ZBBX: variants seen among roughly 807,000 people sequenced by gnomAD.
ZBBX encodes zinc finger B-box domain containing.
In ZBBX, 101 loss-of-function variants were observed where a neutral mutation model predicts 108.5. The observed-to-expected ratio is 0.93, with a 90% CI of 0.79 to 1.10. ZBBX has a LOEUF of 1.10. ZBBX is among the 50% of genes least tolerant of loss of function. The probability of loss-of-function intolerance (pLI) is 0.00; values close to 1 mark genes in which losing one functional copy is unlikely to be tolerated. For missense variants in ZBBX, 1,009 were observed against 941.4 expected (o/e 1.07, Z -0.94); for synonymous variants, 356 against 323.4 (o/e 1.10, Z -1.08).
chr3:167,307,468 C>A (rs1157566254), intron 16 of ZBBX, among the ~76,000 whole-genome samples: 2 of 152,056 alleles, frequency 1.3e-5, no homozygotes. Context: ...TTCTTATACA[C>A]CAATGACAGT....
chr3:167,278,440 T>A (rs1355253619), intron 20 of ZBBX, among the ~76,000 whole-genome samples: 1 of 130,576 alleles, frequency 7.7e-6, no homozygotes, highest in African/African-American at 3.0e-5. Flanking sequence ...CCCACAGAAA[T>A]ACAAACTACC....
intron 20 of ZBBX, among the ~76,000 whole-genome samples, chr3:167,273,558 G>C (rs780827152): frequency 5.3e-5 from 8 of 152,082 alleles, no homozygotes; most frequent in Non-Finnish European, 8.8e-5. Context: ...GTGTTCCTTG[G>C]CAGCTTAGCA....
intron 1 of ZBBX, among the ~76,000 whole-genome samples, chr3:167,405,158 G>A (rs1336558231): frequency 2.0e-5 from 3 of 152,152 alleles, no homozygotes; most frequent in Non-Finnish European, 4.4e-5. Flanking sequence ...AAATGTCTGT[G>A]AGACATTGTT....
Position 167,286,300 on chromosome 3 carries a change from A to G in ZBBX, c.1996+2567T>C, listed in dbSNP as rs113666469. 6.2e-3 allele frequency among the ~76,000 whole-genome samples: 949 copies of G among 152,256 alleles called. 7 individuals carry two copies. Among genetic ancestry groups the G allele is most frequent in the African/African-American group, 0.02 (847 of 41,570 alleles). On this transcript the variant is annotated intron_variant, in intron 19 of 21. Transcript: ENST00000675490. ...AGTTAGGAGAGACGGGTAGCCAACC[A>G]AGGTGTTGCTGTGTGATACATGGTA... is the stretch of plus-strand genomic sequence containing the variant.
intron 9 of ZBBX, among the ~76,000 whole-genome samples, chr3:167,335,930 A>G (rs184135876): frequency 6.6e-6 from 1 of 152,126 alleles, no homozygotes; most frequent in East Asian, 1.9e-4. Flanking sequence ...ATTCAAGTCA[A>G]TGGTAATGCT....
intron 20 of ZBBX, among the ~76,000 whole-genome samples, chr3:167,265,864 A>C (rs1475862120): frequency 6.6e-6 from 1 of 152,158 alleles, no homozygotes; most frequent in Non-Finnish European, 1.5e-5. Context: ...CTCTGCTGTG[A>C]CCAGGTAGCA....
At chr3:167,400,749 C>T (rs1006755015) in intron 1 of ZBBX, among the ~76,000 whole-genome samples, 31 of 151,992 alleles carry the variant, frequency 2.0e-4, no homozygotes, top group African/African-American at 7.5e-4. Flanking sequence ...AGACATGAGA[C>T]ATCAGTCAAC....
chr3:167,380,479 C>T (rs370922809), upstream of ZBBX: 1 of 152,278 alleles, frequency 6.6e-6, no homozygotes, highest in East Asian at 1.9e-4. Context: ...GGAAGCTTTC[C>T]GCCAGAGAGG....
At chr3:167,277,323 A>G (rs1424686497) in intron 20 of ZBBX, among the ~76,000 whole-genome samples, 12 of 152,308 alleles carry the variant, frequency 7.9e-5, no homozygotes, top group African/African-American at 2.9e-4. Context: ...CAAGAGTCAA[A>G]ACCCATCAGT....
chr3:167,389,205 A>T (rs1228286538), intron 1 of ZBBX, among the ~76,000 whole-genome samples: 6 of 151,912 alleles, frequency 3.9e-5, no homozygotes, highest in Non-Finnish European at 8.8e-5. Context: ...TTCAACTCCC[A>T]CTTATGAGTG....
chr3:167,221,051 G>T, the ZBBX span, among the ~76,000 whole-genome samples: 1 of 151,736 alleles, frequency 6.6e-6, no homozygotes, highest in Non-Finnish European at 1.5e-5. Flanking sequence ...ACTGGTGAAA[G>T]AAATGGAAAA....
chr3:167,350,563 G>T lies in ZBBX; in HGVS notation c.433-48C>A, dbSNP rs573410697. On this transcript the variant is annotated intron_variant, in intron 8 of 21. Coordinates refer to ENST00000675490, the MANE Select transcript of ZBBX (RefSeq NM_001199201.2). ...ATTATACAATCTTATAAAATAGTAT[G>T]ATTTTTAGAAAGTGTTTGCATAAAG... The T allele has an allele frequency of 1.4e-5, 18 of 1,330,394 alleles. No homozygotes were observed. In the East Asian group the frequency reaches 4.3e-4, roughly 32 times the overall value. 82.4% of individuals were successfully genotyped at this position (1,330,394 alleles called of 1,614,324 possible).
At chr3:167,401,873 G>A (rs775454874) in intron 1 of ZBBX, among the ~76,000 whole-genome samples, 3 of 152,130 alleles carry the variant, frequency 2.0e-5, no homozygotes, top group Non-Finnish European at 4.4e-5. Flanking sequence ...GACATTATGA[G>A]AATGTCAAAA....
the ZBBX span, among the ~76,000 whole-genome samples, chr3:167,224,321 A>G: frequency 2.6e-5 from 4 of 151,956 alleles, no homozygotes; most frequent in South Asian, 2.1e-4. Context: ...ATATATCATT[A>G]CAGAGATGCT....
At chr3:167,291,812 T>A (rs1730741821) in intron 18 of ZBBX, among the ~76,000 whole-genome samples, 1 of 152,026 alleles carries the variant, frequency 6.6e-6, no homozygotes, top group Admixed American at 6.5e-5. Flanking sequence ...AGGAGACCCA[T>A]CTCACGTGCA....
At chr3:167,393,767 T>C (rs1748148721) in intron 1 of ZBBX, among the ~76,000 whole-genome samples, 1 of 151,942 alleles carries the variant, frequency 6.6e-6, no homozygotes. Flanking sequence ...CTCACTTCTA[T>C]TTTATTGAAC....
At chr3:167,373,954 G>A (rs1186732412) in intron 2 of ZBBX, among the ~76,000 whole-genome samples, 167 bp from the exon 3 acceptor site, 4 of 152,112 alleles carry the variant, frequency 2.6e-5, no homozygotes, top group Non-Finnish European at 1.5e-5. Flanking sequence ...AAAGACTAGG[G>A]AAATAGTCAA....
intron 17 of ZBBX, among the ~76,000 whole-genome samples, chr3:167,303,685 A>T (rs1167997058): frequency 6.6e-6 from 1 of 152,178 alleles, no homozygotes; most frequent in Non-Finnish European, 1.5e-5. Flanking sequence ...GTTCTATTGG[A>T]AGTTTAAAGA....
chr3:167,362,700 C>T (rs1219094560), intron 6 of ZBBX, among the ~76,000 whole-genome samples: 1 of 152,134 alleles, frequency 6.6e-6, no homozygotes, highest in Non-Finnish European at 1.5e-5. Flanking sequence ...CACCAAAGCA[C>T]TTCCCACAGG....
Sources: gnomAD v4.1 joint callset for allele counts (sites outside exome capture counted in the v4.1 genomes callset) on GRCh38, gnomAD v4.1.1 for gene constraint, MANE v1.5 for transcripts, NCBI Gene and HGNC (gene_info 2026-07-23, HGNC 2026-07-21) for gene names.